Variants in PCDHA8 observed in about 807,000 individuals in gnomAD.
PCDHA8 encodes the protein protocadherin alpha 8, also known as protocadherin alpha-8.
PCDHA8 carries 53 observed loss-of-function variants against 61.8 expected under a neutral mutation model. That is an observed-to-expected ratio of 0.86 (90% CI 0.69 to 1.08). The LOEUF (loss-of-function observed/expected upper bound fraction) is 1.08, where lower values mean the gene tolerates loss of function less well. PCDHA8 is among the 50% of genes least tolerant of loss of function. The pLI, the probability that PCDHA8 is intolerant of heterozygous loss-of-function variation, is 0.00. For missense variants in PCDHA8, 1,293 were observed against 1,245.0 expected (o/e 1.04, Z -0.58); for synonymous variants, 618 against 556.6 (o/e 1.11, Z -1.55).
chr5:140,967,173 T>C, intron 1 of PCDHA8: 1 of 1,611,178 alleles, frequency 6.2e-7, no homozygotes, highest in Non-Finnish European at 8.5e-7. Context: ...GCCGTTGAGG[T>C]GGAAATATTG....
chr5:140,848,730 C>T (rs1554142389), intron 1 of PCDHA8: 1 of 1,592,676 alleles, frequency 6.3e-7, no homozygotes, highest in Admixed American at 1.7e-5. Flanking sequence ...GGAGGTAAAT[C>T]TGCAGAATGG....
chr5:140,969,261 T>G (rs2153777840), intron 1 of PCDHA8: 1 of 1,614,180 alleles, frequency 6.2e-7, no homozygotes, highest in South Asian at 1.1e-5. Flanking sequence ...AGCAGGAATC[T>G]CACAGGCCAA....
intron 1 of PCDHA8, among the ~76,000 whole-genome samples, chr5:140,885,133 T>G (rs2060482847): frequency 6.6e-6 from 1 of 152,216 alleles, no homozygotes; most frequent in Admixed American, 6.5e-5. Context: ...CTTTCTTTCT[T>G]TTTTTAAACT....
At chr5:140,931,373 C>T (rs1290408788) in intron 1 of PCDHA8, among the ~76,000 whole-genome samples, 1 of 151,646 alleles carries the variant, frequency 6.6e-6, no homozygotes, top group Non-Finnish European at 1.5e-5. Context: ...TTTCACTAGA[C>T]TAGAAAGGAA....
chr5:140,991,875 G>A (rs2097477734), intron 3 of PCDHA8, among the ~76,000 whole-genome samples: 1 of 152,092 alleles, frequency 6.6e-6, no homozygotes, highest in South Asian at 2.1e-4. Context: ...AGTTTCCTAG[G>A]GCTGCCATAA....
At chr5:140,897,451 TC>T (rs2066120094) in intron 1 of PCDHA8, among the ~76,000 whole-genome samples, 1 of 151,584 alleles carries the variant, frequency 6.6e-6, no homozygotes, top group Non-Finnish European at 1.5e-5. Context: ...TGGTTTTTTG[TC>T]CTTGCGATAG....
intron 1 of PCDHA8, among the ~76,000 whole-genome samples, chr5:140,963,902 A>G (rs1227304928): frequency 6.6e-6 from 1 of 152,218 alleles, no homozygotes; most frequent in Non-Finnish European, 1.5e-5. Flanking sequence ...AAATGAGTAA[A>G]GTGAAGCTTA....
rs1781520198 is a variant in PCDHA8, at chr5:140,848,443, T to C, written c.2394+4728T>C. ...ATGGGACTGACGAAATCAGATGATTTCTTCTAATTTGGAGGCAATTTTCAC... is the reference window on the plus strand; with the variant it reads ...ATGGGACTGACGAAATCAGATGATTCCTTCTAATTTGGAGGCAATTTTCAC... On this transcript the variant is annotated intron_variant, in intron 1 of 3. Transcript: ENST00000531613. 5.4e-6 allele frequency: 8 copies of C among 1,493,744 alleles called. 1 individual carries two copies. The highest frequency in any genetic ancestry group is 7.3e-6 in the Non-Finnish European group (8 of 1,096,078). 92.5% of individuals were successfully genotyped at this position (1,493,744 alleles called of 1,614,324 possible).
chr5:140,967,364 C>T, intron 1 of PCDHA8: 2 of 1,607,620 alleles, frequency 1.2e-6, no homozygotes, highest in Non-Finnish European at 1.7e-6. Flanking sequence ...CCTTAAGCCC[C>T]TGCAGGAGAA....
chr5:140,897,946 T>G (rs1311278458), intron 1 of PCDHA8, among the ~76,000 whole-genome samples: 1 of 152,276 alleles, frequency 6.6e-6, no homozygotes, highest in African/African-American at 2.4e-5. Context: ...CCAGTGATGA[T>G]TAGCATTTTT....
intron 1 of PCDHA8, chr5:140,870,153 C>G (rs537593818): frequency 6.2e-7 from 1 of 1,614,088 alleles, no homozygotes; most frequent in East Asian, 2.2e-5. Flanking sequence ...CTGAAGTCGC[C>G]GTGACTTCCT....
intron 3 of PCDHA8, among the ~76,000 whole-genome samples, chr5:140,991,948 A>G (rs2097482017): frequency 6.6e-6 from 1 of 152,046 alleles, no homozygotes; most frequent in Non-Finnish European, 1.5e-5. Flanking sequence ...TAAAATTAGA[A>G]TGCAGTCATT....
At chr5:140,932,114 G>A (rs2088047655) in intron 1 of PCDHA8, among the ~76,000 whole-genome samples, 1 of 151,738 alleles carries the variant, frequency 6.6e-6, no homozygotes. Context: ...ATTTCCAATT[G>A]ATAATATTTA....
intron 1 of PCDHA8, among the ~76,000 whole-genome samples, chr5:140,900,796 A>G (rs1269266602): frequency 1.3e-5 from 2 of 152,188 alleles, no homozygotes; most frequent in Admixed American, 6.5e-5. Flanking sequence ...ACTGTTCTCC[A>G]TAGTGCTTGT....
intron 1 of PCDHA8, among the ~76,000 whole-genome samples, chr5:140,893,186 T>C (rs2063863300): frequency 6.6e-6 from 1 of 152,230 alleles, no homozygotes; most frequent in Admixed American, 6.5e-5. Context: ...GTAGCTATTG[T>C]GAATAGTGCT....
chr5:140,875,002 T>C (rs1441765842), intron 1 of PCDHA8, among the ~76,000 whole-genome samples: 2 of 152,238 alleles, frequency 1.3e-5, no homozygotes, highest in African/African-American at 4.8e-5. Context: ...TCATTTTCCA[T>C]GATAAAGTGT....
At chr5:140,882,129 T>C (rs2153382855) in intron 1 of PCDHA8, 5 of 1,473,110 alleles carry the variant, frequency 3.4e-6, no homozygotes, top group Non-Finnish European at 2.7e-6. Context: ...TCTTTCTTCC[T>C]GCAGAAAATA....
At chr5:140,991,411 C>G (rs905076175) in intron 3 of PCDHA8, among the ~76,000 whole-genome samples, 8 of 152,156 alleles carry the variant, frequency 5.3e-5, no homozygotes, top group Admixed American at 5.2e-4. Flanking sequence ...TCCCATTATG[C>G]TATAACAAAT....
chr5:140,977,314 C>T (rs905353961), intron 1 of PCDHA8, among the ~76,000 whole-genome samples: 1 of 152,152 alleles, frequency 6.6e-6, no homozygotes, highest in Non-Finnish European at 1.5e-5. Context: ...AACGATAGTG[C>T]TCCTGATGGC....
Sources: allele counts gnomAD v4.1 joint callset (sites outside exome capture counted in the v4.1 genomes callset), GRCh38; gene constraint gnomAD v4.1.1; transcripts MANE v1.5; gene names NCBI Gene and HGNC (gene_info 2026-07-23, HGNC 2026-07-21).